ZNF518A: variants seen among roughly 807,000 people sequenced by gnomAD.
The protein encoded by ZNF518A is zinc finger protein 518A.
A neutral mutation model predicts 102.7 loss-of-function variants in ZNF518A; 47 were observed. That is an observed-to-expected ratio of 0.46 (90% CI 0.36 to 0.58). The LOEUF (loss-of-function observed/expected upper bound fraction) is 0.58, where lower values mean the gene tolerates loss of function less well. ZNF518A is among the 20% of genes least tolerant of loss of function. The probability of loss-of-function intolerance (pLI) is 0.00; values close to 1 mark genes in which losing one functional copy is unlikely to be tolerated. For synonymous variants in ZNF518A, 652 were observed against 594.6 expected (o/e 1.10, Z -1.40); for missense variants, 1,793 against 1,699.8 (o/e 1.05, Z -0.96).
chr10:96,150,564 G>T (rs1022428856), intron 3 of ZNF518A, among the ~76,000 whole-genome samples: 2 of 150,260 alleles, frequency 1.3e-5, no homozygotes, highest in African/African-American at 4.9e-5. Flanking sequence ...AAAAACTTAG[G>T]TACAATTTTT....
At chr10:96,202,303 A>T (rs2083665969) in intron 1 of ZNF518A, among the ~76,000 whole-genome samples, 1 of 152,140 alleles carries the variant, frequency 6.6e-6, no homozygotes, top group Admixed American at 6.6e-5. Context: ...CTGGAAACAG[A>T]GGGTGGCAAC....
chr10:96,179,613 C>T (rs587702274), intron 1 of ZNF518A, among the ~76,000 whole-genome samples: 7 of 152,298 alleles, frequency 4.6e-5, no homozygotes, highest in Admixed American at 4.6e-4. Flanking sequence ...CAGGATTATA[C>T]TCCTAGATAT....
At chr10:96,163,914 G>A (rs920662576), downstream of ZNF518A, among the ~76,000 whole-genome samples, 5 of 152,064 alleles carry the variant, frequency 3.3e-5, no homozygotes, top group Admixed American at 2.0e-4. Context: ...TACAAAGTAC[G>A]AACTAAAATA....
downstream of ZNF518A, chr10:96,204,456 T>A: frequency 7.0e-7 from 1 of 1,433,876 alleles, no homozygotes; most frequent in South Asian, 1.1e-5. Context: ...TCAGTGTCAC[T>A]GTGCAGTGAA....
Position 96,156,406 on chromosome 10 carries a change from T to A in ZNF518A, c.84T>A (p.Val28=). The A allele has an allele frequency of 1.2e-6, 2 of 1,608,644 alleles. No homozygotes were observed. The highest frequency in any genetic ancestry group is 1.7e-6 in the Non-Finnish European group (2 of 1,178,562). Residue 28 remains valine (V), a synonymous_variant, in exon 6 of 6, where the codon GTT becomes GTA. Transcript: ENST00000316045. ...KKDYDVKNEI[V]DRSAPKPKIS... is the part of the protein sequence containing the mutation. The stretch of plus-strand genomic sequence containing the variant: ...ATTATGATGTGAAAAATGAGATAGT[T>A]GATAGGTCGGCACCTAAACCAAAAA...
rs138963334 is a variant in ZNF518A at position 96,204,125 on chromosome 10, C to A, written n.296C>A. ...AATTTCAGATAATTAAAGGACAAAG[C>A]ACAATATGAGTAAGTTTGACTTTTT... On this transcript the variant is annotated non_coding_transcript_exon_variant, in exon 3 of 3. Coordinates refer to the ZNF518A transcript ENST00000442635. 1.7e-5 allele frequency: 28 copies of A among 1,611,778 alleles called. No individual in the cohort carries two copies. In the African/African-American group the frequency reaches 3.2e-4, roughly 18 times the overall value.
intron 3 of ZNF518A, among the ~76,000 whole-genome samples, chr10:96,142,305 GGTGTGTGTGTGTGTGTGTGTGT>G (rs60624825): frequency 2.2e-4 from 23 of 104,132 alleles, no homozygotes; most frequent in African/African-American, 3.5e-4. Flanking sequence ...ATATTCTTAG[GGTGTGTGTGTGTGTGTGTGTGT>G]GTGTGTGTGT....
rs2083033670 is a variant in ZNF518A at position 96,162,398 on chromosome 10, G to T, written c.*1624G>T. 6.0e-6 allele frequency: 1 copy of T among 166,902 alleles called. No individual in the cohort carries two copies. The highest frequency in any genetic ancestry group is 1.5e-5 in the Non-Finnish European group (1 of 68,014). 10.3% of individuals were successfully genotyped at this position (166,902 alleles called of 1,614,324 possible). On this transcript the variant is annotated 3_prime_UTR_variant, in exon 6 of 6. Transcript: ENST00000316045. ...CTATTGTTAGCAAGTGCCTAAAAAA[G>T]ATGTGAAACAGTTTACATATGTCAA...
Position 96,157,344 on chromosome 10 carries a change from T to C in ZNF518A, c.1022T>C (p.Ile341Thr), listed in dbSNP as rs2133781876. The stretch of plus-strand genomic sequence containing the variant: ...ATTAACAGTGGAAGTGACAGAAGTA[T>C]AGAAAAGAACACTCAAGTGCTTAAG... ...KKINSGSDRS[I>T]EKNTQVLKKM... The change falls in exon 6 of 6, where the codon ATA becomes ACA. Residue 341 changes from isoleucine (I) to threonine (T), a missense_variant. Around this residue, in one of 3 missense-constraint regions of ZNF518A, gnomAD observed 1,741 missense variants for 1,622.6 expected, o/e 1.07. Coordinates refer to ENST00000316045, the MANE Select transcript of ZNF518A (RefSeq NM_001330736.2). 1 of 1,611,032 alleles carries C rather than the reference T, an allele frequency of 6.2e-7. No homozygotes were observed. The highest frequency in any genetic ancestry group is 1.1e-5 in the South Asian group (1 of 90,542).
intron 3 of ZNF518A, 107 bp from the exon 4 acceptor site, chr10:96,155,219 T>G (rs1377767210): frequency 2.6e-5 from 4 of 152,222 alleles, no homozygotes; most frequent in Non-Finnish European, 5.9e-5. Context: ...AGCTGTGATT[T>G]ATATGGCACT....
Position 96,156,319 on chromosome 10 carries a change from A to T in ZNF518A, c.-4A>T. 6.4e-7 allele frequency: 1 copy of T among 1,553,610 alleles called. No individual in the cohort carries two copies. Among genetic ancestry groups the T allele is most frequent in the African/African-American group, 1.4e-5 (1 of 72,106 alleles). On this transcript the variant is annotated 5_prime_UTR_variant, in exon 6 of 6. Transcript: ENST00000316045. ...AAAGAAATTGGGACTTTTTTGGTTAAATCATGCCATCTGAACAGAAACAGT... is the reference window on the plus strand; with the variant it reads ...AAAGAAATTGGGACTTTTTTGGTTATATCATGCCATCTGAACAGAAACAGT...
At position 96,158,826 on chromosome 10, in the gene ZNF518A, T is replaced by C. The variant is rs1480463584; in HGVS notation, c.2504T>C (p.Val835Ala). The C allele has an allele frequency of 1.2e-6, 2 of 1,613,658 alleles. No individual in the cohort carries two copies. The highest frequency in any genetic ancestry group is 4.5e-5 in the East Asian group (2 of 44,896). ...GTTGAATCTTCGAAAGATTTCAAAG[T>C]GCAAGGCATCTTCCCAGTTCCACCT... ...KIVESSKDFK[V>A]QGIFPVPPGS... The change falls in exon 6 of 6, where the codon GTG becomes GCG. Residue 835 changes from valine to alanine, a missense_variant. Physicochemically the swap from Val to Ala is moderately conservative, Grantham distance 64. Coordinates refer to ENST00000316045, the MANE Select transcript of ZNF518A (RefSeq NM_001330736.2).
intron 3 of ZNF518A, among the ~76,000 whole-genome samples, chr10:96,151,021 G>A (rs587763900): frequency 6.6e-6 from 1 of 152,060 alleles, no homozygotes; most frequent in South Asian, 2.1e-4. Context: ...CCAAAGTGCT[G>A]GGATTACAGG....
At position 96,162,326 on chromosome 10, in the gene ZNF518A, A is replaced by G. The variant is rs1554888501; in HGVS notation, c.*1552A>G. On this transcript the variant is annotated 3_prime_UTR_variant, in exon 6 of 6. Coordinates refer to ENST00000316045, the MANE Select transcript of ZNF518A (RefSeq NM_001330736.2). ...GTTATTTTCTTGGTTTTTATTTCAG[A>G]TGTAGATTTTGTTTTTGAGGTAAAT... 1.2e-5 allele frequency: 2 copies of G among 166,716 alleles called. No individual in the cohort carries two copies. The highest frequency in any genetic ancestry group is 4.8e-5 in the African/African-American group (2 of 41,434). 10.3% of individuals were successfully genotyped at this position (166,716 alleles called of 1,614,324 possible). A position where few individuals can be genotyped will look rare whatever the true frequency, so the allele number is the denominator to read the frequency against.
intron 1 of ZNF518A, among the ~76,000 whole-genome samples, chr10:96,194,531 A>G (rs2083409828): frequency 6.6e-6 from 1 of 152,206 alleles, no homozygotes; most frequent in African/African-American, 2.4e-5. Context: ...TTGCTCAGCA[A>G]ATAACACAAT....
intron 3 of ZNF518A, among the ~76,000 whole-genome samples, chr10:96,142,305 GGTGTGTGTGTGTGTGTGTGTGTGT>G (rs60624825): frequency 1.6e-4 from 17 of 104,132 alleles, no homozygotes; most frequent in South Asian, 6.8e-4. Flanking sequence ...ATATTCTTAG[GGTGTGTGTGTGTGTGTGTGTGTGT>G]GTGTGTGTGT....
chr10:96,148,754 C>T (rs781799575), intron 3 of ZNF518A, among the ~76,000 whole-genome samples: 17 of 152,204 alleles, frequency 1.1e-4, no homozygotes, highest in Non-Finnish European at 1.3e-4. Flanking sequence ...CTCGCCCTGT[C>T]GCCCAGGCTG....
exon 3 of ZNF518A, chr10:96,204,127 C>T (rs1554896866): frequency 6.2e-7 from 1 of 1,610,888 alleles, no homozygotes; most frequent in Admixed American, 1.7e-5. Flanking sequence ...GGACAAAGCA[C>T]AATATGAGTA....
chr10:96,196,584 T>TA (rs1278626589), intron 1 of ZNF518A, among the ~76,000 whole-genome samples: 2 of 152,230 alleles, frequency 1.3e-5, no homozygotes, highest in Non-Finnish European at 2.9e-5. Context: ...AACTTGACCC[T>TA]AATTCTTACA....
Sources: allele counts gnomAD v4.1 joint callset (sites outside exome capture counted in the v4.1 genomes callset), GRCh38; gene constraint gnomAD v4.1.1; regional missense constraint gnomAD v4.1.1; transcripts MANE v1.5; gene names NCBI Gene and HGNC (gene_info 2026-07-23, HGNC 2026-07-21).